PANX2: variants seen among roughly 807,000 people sequenced by gnomAD.
PANX2 encodes pannexin-2.
PANX2 carries 30 observed loss-of-function variants against 38.7 expected under a neutral mutation model. That is an observed-to-expected ratio of 0.78 (90% CI 0.58 to 1.05). PANX2 has a LOEUF of 1.05. Ranked by LOEUF, PANX2 falls within the 50% of genes least tolerant of loss-of-function variation. The pLI is 0.00. For missense variants in PANX2, 880 were observed against 979.3 expected (o/e 0.90, Z 1.35); for synonymous variants, 539 against 472.1 (o/e 1.14, Z -1.84).
Position 50,180,085 on chromosome 22 carries a change from G to A in PANX2, c.*808G>A, listed in dbSNP as rs527508861. On this transcript the variant is annotated 3_prime_UTR_variant, in exon 3 of 3. Transcript: ENST00000395842. ...CGAGTGCGTGAGTGCACGCCAGCGC[G>A]TGGCCCATGTATGAGGAGTGAAGGG... The A allele has an allele frequency of 5.1e-3, 775 of 152,404 alleles. 8 individuals are homozygous for A. Among genetic ancestry groups the A allele is most frequent in the Non-Finnish European group, 8.3e-3 (563 of 68,072 alleles). The allele number at this position is 152,404 out of a possible 1,614,324, so 9.4% of individuals were successfully genotyped here.
chr22:50,178,443 TG>T, intron 2 of PANX2, 41 bp downstream of exon 2: 2 of 1,135,632 alleles, frequency 1.8e-6, no homozygotes, highest in Non-Finnish European at 2.3e-6. Flanking sequence ...GGACTGGGGG[TG>T]GGAGAGGCGC....
rs1316494142 is a variant in PANX2, at chr22:50,177,515, C to A, written c.803C>A (p.Ala268Glu). The change falls in exon 2 of 3, where the codon GCG becomes GAG. Residue 268 changes from alanine (A) to glutamate (E), a missense_variant. This residue lies in a region of PANX2 where 114 missense variants were observed against 108.8 expected (regional missense o/e 1.05). Transcript: ENST00000395842. Reference sequence around the variant, plus strand: ...GCGCTGGGCGCGTCCCCGGACGGGGCGGCAGGTGCGGGGCCCGCGGTGCGC... The same window carrying A: ...GCGCTGGGCGCGTCCCCGGACGGGGAGGCAGGTGCGGGGCCCGCGGTGCGC... The part of the protein sequence containing the change: ...TCALGASPDG[A>E]AGAGPAVRVS... 6.2e-7 allele frequency: 1 copy of A among 1,609,208 alleles called. No homozygotes were observed. Among genetic ancestry groups the A allele is most frequent in the Non-Finnish European group, 8.5e-7 (1 of 1,178,168 alleles).
At chr22:50,176,645 G>A (rs2063662651) in intron 1 of PANX2, among the ~76,000 whole-genome samples, 1 of 152,208 alleles carries the variant, frequency 6.6e-6, no homozygotes, top group African/African-American at 2.4e-5. Context: ...GTGCACACAG[G>A]GCTTTGTGAC....
In PANX2 at chr22:50,179,820, G is replaced by A. The variant is rs1475527460; in HGVS notation, c.*543G>A. ...GTCCACCCTCGGGTCAAAGGTCAAC[G>A]TGCACTTTCTCCTTGTCGCCTGACA... On this transcript the variant is annotated 3_prime_UTR_variant, in exon 3 of 3. Transcript: ENST00000395842. 6.4e-6 allele frequency: 1 copy of A among 156,936 alleles called. No homozygotes were observed. Among genetic ancestry groups the A allele is most frequent in the Non-Finnish European group, 1.4e-5 (1 of 70,720 alleles). The allele number at this position is 156,936 out of a possible 1,614,324, so 9.7% of individuals were successfully genotyped here.
chr22:50,179,439 T>C lies in PANX2; in HGVS notation c.*162T>C. On this transcript the variant is annotated 3_prime_UTR_variant, in exon 3 of 3. Transcript: ENST00000395842. ...CATGCCTGGGGCCTTCGCCCCCACG[T>C]GCTCGACAGGGGAACCCGCCCGGAC... 1 of 671,830 alleles carries C rather than the reference T, an allele frequency of 1.5e-6. No homozygotes were observed. Among genetic ancestry groups the C allele is most frequent in the South Asian group, 1.9e-5 (1 of 51,846 alleles). The allele number at this position is 671,830 out of a possible 1,614,324, so 41.6% of individuals were successfully genotyped here.
At position 50,173,053 on chromosome 22, in the gene PANX2, T is replaced by C. The variant is rs909589821; in HGVS notation, c.226+2097T>C. Among the ~76,000 whole-genome samples, 51 of 152,192 alleles carry C rather than the reference T, an allele frequency of 3.4e-4. 2 individuals are homozygous for C. Among genetic ancestry groups the C allele is most frequent in the South Asian group, 1.5e-3 (7 of 4,816 alleles). ...CTGGGACTACAGGCGCCCGCCACCA[T>C]GCCCGGCTAATTTTTTGTATTTTTA... is the stretch of plus-strand genomic sequence containing the variant. On this transcript the variant is annotated intron_variant, in intron 1 of 2. Coordinates refer to ENST00000395842, the MANE Select transcript of PANX2 (RefSeq NM_052839.4).
intron 1 of PANX2, among the ~76,000 whole-genome samples, chr22:50,171,653 T>C (rs2063632754): frequency 6.6e-6 from 1 of 152,048 alleles, no homozygotes; most frequent in Non-Finnish European, 1.5e-5. Context: ...GGCAGGAAGA[T>C]GGACAGAGCA....
Position 50,178,002 on chromosome 22 carries a change from G to T in PANX2, c.1290G>T (p.Met430Ile). ...TGGTCAAGCGGCCGCGCAAGAAGAT[G>T]AAGTGGATCCCCACCAGCAACCCGC... ...PPVVKRPRKK[M>I]KWIPTSNPLP... Residue 430 changes from methionine to isoleucine, a missense_variant, in exon 2 of 3, where the codon ATG (methionine) becomes ATT (isoleucine). Met to Ile is a conservative substitution (Grantham distance 10, BLOSUM62 1). Transcript: ENST00000395842. 1 of 1,542,840 alleles carries T rather than the reference G, an allele frequency of 6.5e-7. No individual in the cohort carries two copies. Among genetic ancestry groups the T allele is most frequent in the East Asian group, 2.4e-5 (1 of 40,998 alleles).
At position 50,177,318 on chromosome 22, in the gene PANX2, G is replaced by A; in HGVS notation, c.606G>A (p.Glu202=). The A allele has an allele frequency of 6.2e-7, 1 of 1,611,288 alleles. No individual in the cohort carries two copies. The highest frequency in any genetic ancestry group is 8.5e-7 in the Non-Finnish European group (1 of 1,179,304). The change falls in exon 2 of 3, where the codon GAG becomes GAA. Residue 202 remains glutamate, a synonymous_variant. Coordinates refer to ENST00000395842, the MANE Select transcript of PANX2 (RefSeq NM_052839.4). ...AGATCATCGAGAACGCGGAGAAGGA[G>A]AAGAGCCCGGAGCAGAACCTGTTCG... The part of the protein sequence containing the change: ...KREIIENAEK[E]KSPEQNLFEK...
At position 50,173,103 on chromosome 22, in the gene PANX2, G is replaced by A. The variant is rs191700092; in HGVS notation, c.226+2147G>A. Among the ~76,000 whole-genome samples the A allele has an allele frequency of 2.1e-3, 319 of 152,102 alleles. 3 individuals carry two copies. Among genetic ancestry groups the A allele is most frequent in the South Asian group, 2.9e-3 (14 of 4,814 alleles). Reference sequence around the variant, plus strand: ...AGTAGAGACGGGGTTTTGCCATGTTGGCCAGGATGGTCTCGATCTCCTGAC... The same window carrying A: ...AGTAGAGACGGGGTTTTGCCATGTTAGCCAGGATGGTCTCGATCTCCTGAC... On this transcript the variant is annotated intron_variant, in intron 1 of 2. Coordinates refer to ENST00000395842, the MANE Select transcript of PANX2 (RefSeq NM_052839.4).
chr22:50,177,073 C>T lies in PANX2; in HGVS notation c.361C>T (p.His121Tyr). Residue 121 changes from histidine (H) to tyrosine (Y), a missense_variant, in exon 2 of 3, where the codon CAC (histidine) becomes TAC (tyrosine). His to Tyr is a moderately conservative substitution (Grantham distance 83, BLOSUM62 2). Transcript: ENST00000395842. ...CAGCCTGTGGCCGTCGCTGTTTGAG[C>T]ACAAGTTCCTGCCCTACGCGCTGCT... ...DASLWPSLFE[H>Y]KFLPYALLAF... The T allele has an allele frequency of 1.2e-6, 2 of 1,610,958 alleles. No individual in the cohort carries two copies. The highest frequency in any genetic ancestry group is 1.7e-6 in the Non-Finnish European group (2 of 1,179,168).
intron 1 of PANX2, among the ~76,000 whole-genome samples, chr22:50,175,967 GTGCTGATGTGGGCCC>G (rs2063659015): frequency 6.6e-6 from 1 of 152,254 alleles, no homozygotes; most frequent in African/African-American, 2.4e-5. Context: ...GGAGGGGATT[GTGCTGATGTGGGCCC>G]TGCCCTGGGG....
In PANX2 at chr22:50,177,508, G is replaced by A. The variant is rs1400146304; in HGVS notation, c.796G>A (p.Asp266Asn). The A allele has an allele frequency of 3.1e-6, 5 of 1,609,746 alleles. No individual in the cohort carries two copies. The highest frequency in any genetic ancestry group is 2.2e-5 in the South Asian group (2 of 90,880). Residue 266 changes from aspartate (D) to asparagine (N), a missense_variant, in exon 2 of 3, where the codon GAC becomes AAC. Physicochemically the swap from Asp to Asn is conservative, Grantham distance 23. Around this residue, in one of 4 missense-constraint regions of PANX2, gnomAD observed 114 missense variants for 108.8 expected, o/e 1.05. Transcript: ENST00000395842. ...CACCTGCGCGCTGGGCGCGTCCCCGGACGGGGCGGCAGGTGCGGGGCCCGC... is the reference window on the plus strand; with the variant it reads ...CACCTGCGCGCTGGGCGCGTCCCCGAACGGGGCGGCAGGTGCGGGGCCCGC... Reference protein sequence around the residue: ...EFTCALGASPDGAAGAGPAVR... With the variant: ...EFTCALGASPNGAAGAGPAVR...
rs1194145462 is a variant in PANX2 at position 50,177,895 on chromosome 22, C to A, written c.1183C>A (p.Pro395Thr). 7 of 1,536,444 alleles carry A rather than the reference C, an allele frequency of 4.6e-6. No homozygotes were observed. Among genetic ancestry groups the A allele is most frequent in the Non-Finnish European group, 6.1e-6 (7 of 1,145,398 alleles). Residue 395 changes from proline (P) to threonine (T), a missense_variant, in exon 2 of 3, where the codon CCC (proline) becomes ACC (threonine). This residue lies in a region of PANX2 where 78 missense variants were observed against 133.1 expected (regional missense o/e 0.59). Coordinates refer to ENST00000395842, the MANE Select transcript of PANX2 (RefSeq NM_052839.4). ...GGCGCAGTCCAACCACGACGCCACC[C>A]CCACGGTGCGCGACTCGGGGGTGCA... ...ALAQSNHDAT[P>T]TVRDSGVQTV...
Position 50,178,193 on chromosome 22 carries a change from G to GGCC in PANX2, c.1481_1482insGCC (p.Pro495dup). Reference sequence around the variant, plus strand: ...GGCGGAGGGGGCGACCCGGGCCCCGGCCCCGCCCCTGCCCCCGCCCCGCCG... The same window carrying GGCC: ...GGCGGAGGGGGCGACCCGGGCCCCGGGCCCCCCGCCCCTGCCCCCGCCCCGCCG... On this transcript the variant is annotated inframe_insertion, in exon 2 of 3. Transcript: ENST00000395842. The GGCC allele has an allele frequency of 1.4e-6, 2 of 1,465,206 alleles. No individual in the cohort carries two copies. The highest frequency in any genetic ancestry group is 2.6e-5 in the Admixed American group (1 of 37,888). The allele number at this position is 1,465,206 out of a possible 1,614,324, so 90.8% of individuals were successfully genotyped here. A position where few individuals can be genotyped will look rare whatever the true frequency, so the allele number is the denominator to read the frequency against.
chr22:50,178,972 G>C lies in PANX2; in HGVS notation c.1729G>C (p.Glu577Gln), dbSNP rs1419351247. The C allele has an allele frequency of 6.2e-7, 1 of 1,603,630 alleles. No homozygotes were observed. The highest frequency in any genetic ancestry group is 8.5e-7 in the Non-Finnish European group (1 of 1,174,244). Reference protein sequence around the residue: ...LPEKEIPYPTEPARAGLPSGG... With the variant: ...LPEKEIPYPTQPARAGLPSGG... ...CGAGAAGGAAATCCCGTACCCCACA[G>C]AGCCAGCCCGGGCAGGGCTTCCCTC... The change falls in exon 3 of 3, where the codon GAG becomes CAG. Residue 577 changes from glutamate to glutamine, a missense_variant. Physicochemically the swap from Glu to Gln is conservative, Grantham distance 29. Around this residue, in one of 4 missense-constraint regions of PANX2, gnomAD observed 445 missense variants for 404.3 expected, o/e 1.10. Transcript: ENST00000395842.
At chr22:50,175,992 G>C (rs2063659167) in intron 1 of PANX2, among the ~76,000 whole-genome samples, 1 of 152,230 alleles carries the variant, frequency 6.6e-6, no homozygotes, top group African/African-American at 2.4e-5. Flanking sequence ...CTGCCCTGGG[G>C]CTGCTCTTTG....
Position 50,178,043 on chromosome 22 carries a change from A to G in PANX2, c.1331A>G (p.Lys444Arg), listed in dbSNP as rs1366252833. Residue 444 changes from lysine to arginine, a missense_variant, in exon 2 of 3, where the codon AAG becomes AGG. This residue lies in a region of PANX2 where 445 missense variants were observed against 404.3 expected (regional missense o/e 1.10). Transcript: ENST00000395842. ...PTSNPLPQPF[K>R]EPLAIMRVEN... is the part of the protein sequence containing the mutation. ...AGCAACCCGCTTCCGCAGCCCTTCA[A>G]GGAGCCGCTGGCCATCATGCGCGTG... The G allele has an allele frequency of 6.4e-7, 1 of 1,551,284 alleles. No homozygotes were observed. The highest frequency in any genetic ancestry group is 1.2e-5 in the South Asian group (1 of 84,762).
rs2147063732 is a variant in PANX2, at chr22:50,177,924, C to T, written c.1212C>T (p.Thr404=). 4 of 1,531,022 alleles carry T rather than the reference C, an allele frequency of 2.6e-6. No individual in the cohort carries two copies. The highest frequency in any genetic ancestry group is 3.5e-6 in the Non-Finnish European group (4 of 1,143,018). The allele number at this position is 1,531,022 out of a possible 1,614,324, so 94.8% of individuals were successfully genotyped here. The change falls in exon 2 of 3, where the codon ACC becomes ACT. Residue 404 remains threonine, a synonymous_variant. Transcript: ENST00000395842. ...TPTVRDSGVQ[T]VDPSANPAEP... ...CGGTGCGCGACTCGGGGGTGCAGAC[C>T]GTGGACCCCAGCGCCAACCCCGCCG...
Sources: allele counts gnomAD v4.1 joint callset (sites outside exome capture counted in the v4.1 genomes callset), GRCh38; gene constraint gnomAD v4.1.1; regional missense constraint gnomAD v4.1.1; transcripts MANE v1.5; gene names NCBI Gene and HGNC (gene_info 2026-07-23, HGNC 2026-07-21).